The following CBX5 variants were observed in gnomAD, a reference collection of about 807,000 sequenced individuals.
The protein encoded by CBX5 is chromobox protein homolog 5.
A neutral mutation model predicts 20.7 loss-of-function variants in CBX5; 7 were observed. That is an observed-to-expected ratio of 0.34 (90% CI 0.19 to 0.63). The LOEUF is 0.63. Ranked by LOEUF, CBX5 falls within the 30% of genes least tolerant of loss-of-function variation. The probability of loss-of-function intolerance (pLI) is 0.75; values close to 1 mark genes in which losing one functional copy is unlikely to be tolerated. For synonymous variants in CBX5, 78 were observed against 77.0 expected (o/e 1.01, Z -0.07); for missense variants, 110 against 224.1 (o/e 0.49, Z 3.25).
At chr12:54,248,125 G>A (rs1385146451) in intron 3 of CBX5, among the ~76,000 whole-genome samples, 1 of 152,006 alleles carries the variant, frequency 6.6e-6, no homozygotes, top group Non-Finnish European at 1.5e-5. Flanking sequence ...TTACAGATGT[G>A]AGCCATCACA....
intron 1 of CBX5, among the ~76,000 whole-genome samples, chr12:54,276,029 A>AT (rs1454745777): frequency 1.9e-4 from 29 of 150,610 alleles, no homozygotes; most frequent in African/African-American, 4.9e-4. Flanking sequence ...ATTGGGAGAC[A>AT]TTTTGCAATA....
rs190302042 is a variant in CBX5 at position 54,272,492 on chromosome 12, G to A, written c.-43+7516C>T. 128 of 152,226 alleles carry A rather than the reference G, an allele frequency of 8.4e-4. 1 individual carries two copies. Among genetic ancestry groups the A allele is most frequent in the African/African-American group, 2.9e-3 (122 of 41,518 alleles). 9.4% of individuals were successfully genotyped at this position (152,226 alleles called of 1,614,324 possible). The stretch of plus-strand genomic sequence containing the variant: ...TTAATTTTGATGAACTACTACTACT[G>A]GAAAGAAAATTCAGGCTACACAGTC... On this transcript the variant is annotated intron_variant, in intron 1 of 4. Coordinates refer to ENST00000209875, the MANE Select transcript of CBX5 (RefSeq NM_012117.3).
intron 1 of CBX5, among the ~76,000 whole-genome samples, chr12:54,260,998 C>G (rs561785369): frequency 1.3e-5 from 2 of 152,148 alleles, no homozygotes; most frequent in South Asian, 4.1e-4. Context: ...CGAGACCAGC[C>G]TGACCAACAT....
At chr12:54,247,869 C>A (rs1003162318) in intron 3 of CBX5, among the ~76,000 whole-genome samples, 2 of 147,496 alleles carry the variant, frequency 1.4e-5, no homozygotes, top group Non-Finnish European at 3.0e-5. Context: ...GAGACAGAGT[C>A]TTGCTCTGTT....
Position 54,239,787 on chromosome 12 carries a change from T to C in CBX5, c.*1968A>G, listed in dbSNP as rs866892773. ...AGCTTCATTGTTCCAGTCTGTCATG[T>C]CACTGCAGCAACAGCTGTCACCTCA... On this transcript the variant is annotated 3_prime_UTR_variant, in exon 5 of 5. Transcript: ENST00000209875. 32 of 152,264 alleles carry C rather than the reference T, an allele frequency of 2.1e-4. No homozygotes were observed. Among genetic ancestry groups the C allele is most frequent in the African/African-American group, 7.2e-4 (30 of 41,466 alleles). The allele number at this position is 152,264 out of a possible 1,614,324, so 9.4% of individuals were successfully genotyped here.
intron 1 of CBX5, chr12:54,274,206 A>G (rs1363071485): frequency 6.6e-6 from 1 of 152,240 alleles, no homozygotes; most frequent in Non-Finnish European, 1.5e-5. Context: ...TAAAGCTGTC[A>G]TCAGAAATGA....
intron 2 of CBX5, among the ~76,000 whole-genome samples, chr12:54,256,975 T>C (rs1370577970): frequency 6.6e-6 from 1 of 152,138 alleles, no homozygotes; most frequent in Non-Finnish European, 1.5e-5. Context: ...GTGATTCTCC[T>C]ACCTCAGCCT....
chr12:54,242,347 A>G (rs1046939095), intron 4 of CBX5, among the ~76,000 whole-genome samples: 10 of 151,990 alleles, frequency 6.6e-5, no homozygotes, highest in African/African-American at 2.4e-4. Context: ...CACACGGTGA[A>G]ACCCCGACTC....
At chr12:54,279,896 C>CT (rs1449199220) in intron 1 of CBX5, 112 bp downstream of exon 1, 3 of 152,682 alleles carry the variant, frequency 2.0e-5, no homozygotes, top group African/African-American at 7.3e-5. Context: ...CGACCCACCG[C>CT]TGCCCCTTCA....
Position 54,237,998 on chromosome 12 carries a change from T to A in CBX5, c.*3757A>T, listed in dbSNP as rs1392670115. On this transcript the variant is annotated 3_prime_UTR_variant, in exon 5 of 5. Coordinates refer to ENST00000209875, the MANE Select transcript of CBX5 (RefSeq NM_012117.3). Reference sequence around the variant, plus strand: ...CAAGGTCAGGAAATCGAGACCATCCTGGCAAACATGGTAAAACCCCATCTC... The same window carrying A: ...CAAGGTCAGGAAATCGAGACCATCCAGGCAAACATGGTAAAACCCCATCTC... 3 of 152,198 alleles carry A rather than the reference T, an allele frequency of 2.0e-5. No homozygotes were observed. Among genetic ancestry groups the A allele is most frequent in the Non-Finnish European group, 4.4e-5 (3 of 68,096 alleles). The allele number at this position is 152,198 out of a possible 1,614,324, so 9.4% of individuals were successfully genotyped here.
chr12:54,271,210 G>T (rs1256832863), intron 1 of CBX5, among the ~76,000 whole-genome samples: 1 of 152,178 alleles, frequency 6.6e-6, no homozygotes, highest in East Asian at 1.9e-4. Flanking sequence ...ATTATATCAG[G>T]TTGTTGGTAG....
chr12:54,250,499 T>C (rs1215804125), intron 3 of CBX5, among the ~76,000 whole-genome samples: 1 of 151,876 alleles, frequency 6.6e-6, no homozygotes, highest in Non-Finnish European at 1.5e-5. Context: ...ACAAATGCTA[T>C]CACTGGAACA....
intron 4 of CBX5, among the ~76,000 whole-genome samples, chr12:54,245,512 C>A (rs956923670): frequency 5.3e-5 from 8 of 152,022 alleles, no homozygotes; most frequent in African/African-American, 1.9e-4. Context: ...CAAAAATGGG[C>A]CAGGCGCAGT....
In CBX5 at chr12:54,235,664, CAG is replaced by C. The variant is rs1943613854; in HGVS notation, c.*6089_*6090del. 6.6e-6 allele frequency: 1 copy of C among 152,192 alleles called. No homozygotes were observed. Among genetic ancestry groups the C allele is most frequent in the Non-Finnish European group, 1.5e-5 (1 of 68,032 alleles). The allele number at this position is 152,192 out of a possible 1,614,324, so 9.4% of individuals were successfully genotyped here. On this transcript the variant is annotated 3_prime_UTR_variant, in exon 5 of 5. Transcript: ENST00000209875. ...CAGTATTGAATAAAACTGCACTGCT[CAG>C]AGTAGATGCTCAGGTATTAACAGAT...
intron 1 of CBX5, among the ~76,000 whole-genome samples, chr12:54,279,604 T>G (rs919324944): frequency 6.6e-6 from 1 of 152,092 alleles, no homozygotes; most frequent in Non-Finnish European, 1.5e-5. Flanking sequence ...ATTCGTTCCA[T>G]CCGTTTAACC....
At chr12:54,242,984 C>T (rs1283980726) in intron 4 of CBX5, among the ~76,000 whole-genome samples, 2 of 151,810 alleles carry the variant, frequency 1.3e-5, no homozygotes, top group Admixed American at 1.3e-4. Context: ...ATCAGCTAGG[C>T]ATGGTGGTGC....
chr12:54,250,811 CAAAAAAAAAAAAAAAAA>C (rs1164585269), intron 3 of CBX5, among the ~76,000 whole-genome samples: 6 of 39,334 alleles, frequency 1.5e-4, no homozygotes, highest in Non-Finnish European at 1.7e-4. Flanking sequence ...GACTCCGTCT[CAAAAAAAAAAAAAAAAA>C]AAAAAAAAAA....
chr12:54,257,661 G>C lies in CBX5; in HGVS notation c.-11C>G. The C allele has an allele frequency of 2.5e-6, 4 of 1,614,068 alleles. No individual in the cohort carries two copies. The highest frequency in any genetic ancestry group is 3.4e-6 in the Non-Finnish European group (4 of 1,179,952). ...GGTTTTCTTTCCCATGTCGCACACC[G>C]TTCCACCTGAAAGACTAAGGCCACC... is the stretch of plus-strand genomic sequence containing the variant. On this transcript the variant is annotated 5_prime_UTR_variant, in exon 2 of 5. Transcript: ENST00000209875.
At chr12:54,275,482 C>T (rs1417712325) in intron 1 of CBX5, among the ~76,000 whole-genome samples, 3 of 152,014 alleles carry the variant, frequency 2.0e-5, no homozygotes, top group Admixed American at 1.3e-4. Flanking sequence ...AACTCATGAT[C>T]TGCCCGCCTC....
Sources: allele counts gnomAD v4.1 joint callset (sites outside exome capture counted in the v4.1 genomes callset), GRCh38; gene constraint gnomAD v4.1.1; transcripts MANE v1.5; gene names NCBI Gene and HGNC (gene_info 2026-07-23, HGNC 2026-07-21).